Variants in SHISA9 observed in about 807,000 individuals in gnomAD.
SHISA9 encodes shisa family member 9.
In SHISA9, 13 loss-of-function variants were observed where a neutral mutation model predicts 38.0. The observed-to-expected ratio is 0.34, with a 90% CI of 0.22 to 0.54. SHISA9 has a LOEUF of 0.54. SHISA9 is among the 20% of genes least tolerant of loss of function. SHISA9 has a pLI of 0.91. For missense variants in SHISA9, 538 were observed against 575.8 expected (o/e 0.93, Z 0.67); for synonymous variants, 275 against 242.0 (o/e 1.14, Z -1.27).
the SHISA9 span, among the ~76,000 whole-genome samples, chr16:13,548,644 C>A: frequency 6.6e-6 from 1 of 151,836 alleles, no homozygotes; most frequent in African/African-American, 2.4e-5. Context: ...AAATGCAAAT[C>A]AGAACCACAG....
the SHISA9 span, among the ~76,000 whole-genome samples, chr16:13,354,473 C>T: frequency 1.8e-3 from 274 of 151,320 alleles, no homozygotes; most frequent in African/African-American, 4.8e-3. Context: ...CCAGGAACAA[C>T]GGTAATTGTG....
chr16:13,072,788 A>G (rs1031041336), intron 2 of SHISA9, among the ~76,000 whole-genome samples: 1 of 151,940 alleles, frequency 6.6e-6, no homozygotes, highest in Admixed American at 6.6e-5. Flanking sequence ...AGCCTCCTGA[A>G]TAGCTGAGAT....
the SHISA9 span, among the ~76,000 whole-genome samples, chr16:13,260,393 T>C: frequency 1.3e-5 from 2 of 152,164 alleles, no homozygotes; most frequent in African/African-American, 4.8e-5. Flanking sequence ...TAAAGCTGAA[T>C]GCCTTTAACA....
the SHISA9 span, among the ~76,000 whole-genome samples, chr16:13,497,704 A>AAAAAG: frequency 6.6e-6 from 1 of 151,614 alleles, no homozygotes; most frequent in East Asian, 1.9e-4. Flanking sequence ...AAAAAAAAGA[A>AAAAAG]AAAAGAAAAA....
chr16:13,418,995 G>A, the SHISA9 span, among the ~76,000 whole-genome samples: 18 of 152,316 alleles, frequency 1.2e-4, no homozygotes, highest in South Asian at 3.7e-3. Flanking sequence ...AAAGGGGCTG[G>A]AGGTTCTATG....
At chr16:12,909,621 C>T (rs1399037568) in intron 1 of SHISA9, 2 of 985,010 alleles carry the variant, frequency 2.0e-6, no homozygotes, top group Non-Finnish European at 1.2e-6. Flanking sequence ...GCTGGTCCCT[C>T]CTCATCACCA....
intron 2 of SHISA9, among the ~76,000 whole-genome samples, chr16:12,991,879 A>G (rs2072390947): frequency 6.6e-6 from 1 of 152,168 alleles, no homozygotes; most frequent in Non-Finnish European, 1.5e-5. Flanking sequence ...ACATTAGAAA[A>G]AAAATATATC....
chr16:12,939,475 G>C (rs950047988), intron 2 of SHISA9, among the ~76,000 whole-genome samples: 1 of 152,144 alleles, frequency 6.6e-6, no homozygotes, highest in African/African-American at 2.4e-5. Flanking sequence ...GTGTGCACTG[G>C]TCACAAGCCC....
chr16:13,002,625 T>C (rs2072540076), intron 2 of SHISA9, among the ~76,000 whole-genome samples: 1 of 145,438 alleles, frequency 6.9e-6, no homozygotes, highest in African/African-American at 2.6e-5. Context: ...CTCCACCCCC[T>C]GGGCTCAAGC....
chr16:13,559,697 T>G, the SHISA9 span, among the ~76,000 whole-genome samples: 1 of 152,192 alleles, frequency 6.6e-6, no homozygotes, highest in East Asian at 1.9e-4. Context: ...ATGGATTTCT[T>G]AAGCCATTCC....
chr16:13,332,388 C>A, the SHISA9 span: 2 of 152,172 alleles, frequency 1.3e-5, no homozygotes, highest in Non-Finnish European at 2.9e-5. Context: ...AGAGTAATCT[C>A]CATTTCTTGT....
intron 2 of SHISA9, among the ~76,000 whole-genome samples, chr16:13,195,744 C>T (rs1012858432): frequency 2.6e-5 from 4 of 152,038 alleles, no homozygotes; most frequent in Admixed American, 1.3e-4. Flanking sequence ...CAGTGATTCC[C>T]CTCACTCCCA....
intron 2 of SHISA9, among the ~76,000 whole-genome samples, chr16:12,948,213 G>T (rs1367020216): frequency 6.6e-6 from 1 of 152,144 alleles, no homozygotes; most frequent in Non-Finnish European, 1.5e-5. Context: ...TTTGCTCAGG[G>T]TCATAGAACT....
the SHISA9 span, among the ~76,000 whole-genome samples, chr16:13,264,226 G>A: frequency 6.7e-6 from 1 of 148,784 alleles, no homozygotes; most frequent in Admixed American, 6.8e-5. Context: ...CCAGGTTGGA[G>A]TTCAGTGGCA....
At chr16:13,475,588 C>T in the SHISA9 span, among the ~76,000 whole-genome samples, 1 of 152,046 alleles carries the variant, frequency 6.6e-6, no homozygotes, top group Non-Finnish European at 1.5e-5. Flanking sequence ...GCACCAGGGA[C>T]CGGTTTCATG....
chr16:13,044,823 C>G (rs1402252513), intron 2 of SHISA9, among the ~76,000 whole-genome samples: 1 of 152,196 alleles, frequency 6.6e-6, no homozygotes, highest in Non-Finnish European at 1.5e-5. Flanking sequence ...TCACTTAAAG[C>G]CCTTTTATAT....
chr16:13,036,421 A>G (rs570946047), intron 2 of SHISA9, among the ~76,000 whole-genome samples: 3 of 152,316 alleles, frequency 2.0e-5, no homozygotes, highest in African/African-American at 7.2e-5. Flanking sequence ...AGAAATGACA[A>G]ATGAAATCTA....
At chr16:13,157,151 TC>T (rs2050554430) in intron 2 of SHISA9, among the ~76,000 whole-genome samples, 1 of 152,138 alleles carries the variant, frequency 6.6e-6, no homozygotes, top group Non-Finnish European at 1.5e-5. Flanking sequence ...CCATCCATCA[TC>T]CGTCCATCCC....
intron 1 of SHISA9, chr16:12,909,419 C>T: frequency 4.1e-6 from 4 of 985,390 alleles, no homozygotes; most frequent in Non-Finnish European, 4.8e-6. Flanking sequence ...TAAAAGTCAA[C>T]ACATAGATTG....
Sources: allele counts gnomAD v4.1 joint callset (sites outside exome capture counted in the v4.1 genomes callset), GRCh38; gene constraint gnomAD v4.1.1; transcripts MANE v1.5; gene names NCBI Gene and HGNC (gene_info 2026-07-23, HGNC 2026-07-21).